CDKAL1: variants seen among roughly 807,000 people sequenced by gnomAD.
CDKAL1 encodes the protein threonylcarbamoyladenosine tRNA methylthiotransferase.
In CDKAL1, 32 loss-of-function variants were observed where a neutral mutation model predicts 68.2. That is an observed-to-expected ratio of 0.47 (90% CI 0.35 to 0.63). The LOEUF (loss-of-function observed/expected upper bound fraction) is 0.63, where lower values mean the gene tolerates loss of function less well. Ranked by LOEUF, CDKAL1 falls within the 30% of genes least tolerant of loss-of-function variation. CDKAL1 has a pLI of 0.00. For missense variants in CDKAL1, 606 were observed against 696.7 expected (o/e 0.87, Z 1.47); for synonymous variants, 234 against 244.3 (o/e 0.96, Z 0.39).
chr6:20,636,422 A>C (rs931591418), intron 4 of CDKAL1, among the ~76,000 whole-genome samples: 2 of 152,176 alleles, frequency 1.3e-5, no homozygotes, highest in Non-Finnish European at 2.9e-5. Context: ...TGATGAATAC[A>C]GGGTGAAAAT....
chr6:20,694,054 GTGTGTGTA>G (rs879924515), intron 5 of CDKAL1, among the ~76,000 whole-genome samples: 3,325 of 79,076 alleles, frequency 0.042, 70 homozygotes, highest in East Asian at 0.17. Flanking sequence ...GTGTGTGTGT[GTGTGTGTA>G]TGTGTGTGTG....
chr6:20,889,862 T>A (rs1581772282), intron 9 of CDKAL1, among the ~76,000 whole-genome samples: 1 of 152,186 alleles, frequency 6.6e-6, no homozygotes, highest in African/African-American at 2.4e-5. Flanking sequence ...CAGTTCCATA[T>A]GAACTTTAAA....
At position 20,977,738 on chromosome 6, in the gene CDKAL1, C is replaced by T. The variant is rs145920727; in HGVS notation, c.909+22153C>T. Among the ~76,000 whole-genome samples, 351 of 152,176 alleles carry T rather than the reference C, an allele frequency of 2.3e-3. 1 individual carries two copies. Among genetic ancestry groups the T allele is most frequent in the African/African-American group, 7.9e-3 (328 of 41,520 alleles). On this transcript the variant is annotated intron_variant, in intron 10 of 15. Coordinates refer to ENST00000274695, the MANE Select transcript of CDKAL1 (RefSeq NM_017774.3). ...ACAAAAAATACAAAGATTAGCTGGA[C>T]GTGGTGATGCACATGTGTAGTCCCA...
intron 12 of CDKAL1, among the ~76,000 whole-genome samples, chr6:21,081,341 A>G (rs1408050374): frequency 6.6e-6 from 1 of 152,114 alleles, no homozygotes; most frequent in Non-Finnish European, 1.5e-5. Context: ...CATCTTTATT[A>G]TATTTCAGTC....
At chr6:20,863,942 T>A (rs1368008988) in intron 9 of CDKAL1, among the ~76,000 whole-genome samples, 1 of 152,202 alleles carries the variant, frequency 6.6e-6, no homozygotes, top group Non-Finnish European at 1.5e-5. Context: ...TATGCAATGG[T>A]CTGACCTTCA....
At chr6:20,729,495 T>C (rs943114095) in intron 5 of CDKAL1, among the ~76,000 whole-genome samples, 2 of 152,264 alleles carry the variant, frequency 1.3e-5, no homozygotes, top group African/African-American at 2.4e-5. Flanking sequence ...AACTTGCTAC[T>C]TTCGTGTAAC....
chr6:21,113,243 A>G (rs1774211138), intron 13 of CDKAL1, among the ~76,000 whole-genome samples: 1 of 152,218 alleles, frequency 6.6e-6, no homozygotes, highest in Non-Finnish European at 1.5e-5. Flanking sequence ...GAATTTTTAG[A>G]AACTTTGGTA....
At chr6:21,110,783 ACT>A (rs1031171517) in intron 13 of CDKAL1, among the ~76,000 whole-genome samples, 5 of 151,850 alleles carry the variant, frequency 3.3e-5, no homozygotes, top group African/African-American at 7.3e-5. Flanking sequence ...ACATTGTGAA[ACT>A]CTGTCTCTAT....
chr6:20,647,356 T>C (rs768338551), intron 4 of CDKAL1, among the ~76,000 whole-genome samples: 5 of 152,188 alleles, frequency 3.3e-5, no homozygotes, highest in East Asian at 1.9e-4. Flanking sequence ...CTTTAGGAGA[T>C]TGGAGAAGCG....
At chr6:20,549,401 C>G (rs1321851238) in intron 4 of CDKAL1, among the ~76,000 whole-genome samples, 1 of 152,076 alleles carries the variant, frequency 6.6e-6, no homozygotes. Context: ...TAACCCATGT[C>G]TGCTAGGTTT....
chr6:20,945,691 A>G (rs917385175), intron 9 of CDKAL1, among the ~76,000 whole-genome samples: 2 of 152,184 alleles, frequency 1.3e-5, no homozygotes, highest in East Asian at 1.9e-4. Flanking sequence ...TAGTATTTAG[A>G]CTCCGTTGGA....
At chr6:21,073,071 C>T (rs1050285438) in intron 12 of CDKAL1, among the ~76,000 whole-genome samples, 2 of 152,142 alleles carry the variant, frequency 1.3e-5, no homozygotes, top group Non-Finnish European at 2.9e-5. Context: ...TATTTGGAAA[C>T]ATGGAGTGTG....
chr6:20,728,777 G>C (rs1772770631), intron 5 of CDKAL1, among the ~76,000 whole-genome samples: 2 of 152,174 alleles, frequency 1.3e-5, no homozygotes, highest in South Asian at 4.1e-4. Context: ...AAGTCACTTA[G>C]ATTCGCTATA....
chr6:21,057,735 G>C (rs1441874577), intron 11 of CDKAL1, among the ~76,000 whole-genome samples: 1 of 152,138 alleles, frequency 6.6e-6, no homozygotes, highest in Non-Finnish European at 1.5e-5. Context: ...TAGTTTCAAA[G>C]AACTTTTTAA....
At chr6:21,164,435 T>TG (rs1320024947) in intron 13 of CDKAL1, among the ~76,000 whole-genome samples, 1 of 151,906 alleles carries the variant, frequency 6.6e-6, no homozygotes, top group African/African-American at 2.4e-5. Context: ...TCATACCCTA[T>TG]AGCAGCCACT....
At chr6:20,808,734 T>C (rs1776675387) in intron 8 of CDKAL1, among the ~76,000 whole-genome samples, 1 of 152,128 alleles carries the variant, frequency 6.6e-6, no homozygotes, top group Non-Finnish European at 1.5e-5. Flanking sequence ...TATGAGGTAG[T>C]AACAGAAAAT....
At chr6:20,884,419 A>G (rs903941931) in intron 9 of CDKAL1, among the ~76,000 whole-genome samples, 6 of 152,230 alleles carry the variant, frequency 3.9e-5, no homozygotes, top group Non-Finnish European at 8.8e-5. Flanking sequence ...GAAAGACTAA[A>G]TAAAAGCTTT....
At chr6:21,110,865 C>T (rs1386872908) in intron 13 of CDKAL1, among the ~76,000 whole-genome samples, 1 of 152,050 alleles carries the variant, frequency 6.6e-6, no homozygotes, top group East Asian at 1.9e-4. Context: ...CTACCGGGGA[C>T]AGGTTTAGGC....
At chr6:21,222,324 T>C (rs1389802455) in intron 15 of CDKAL1, among the ~76,000 whole-genome samples, 4 of 152,230 alleles carry the variant, frequency 2.6e-5, no homozygotes, top group Non-Finnish European at 5.9e-5. Flanking sequence ...TGATGTAGAA[T>C]TTCTCATTCC....
Sources: gnomAD v4.1 joint callset for allele counts (sites outside exome capture counted in the v4.1 genomes callset) on GRCh38, gnomAD v4.1.1 for gene constraint, MANE v1.5 for transcripts, NCBI Gene and HGNC (gene_info 2026-07-23, HGNC 2026-07-21) for gene names.